CERS3: variants seen among roughly 807,000 people sequenced by gnomAD.
CERS3 encodes LAG1 homolog, ceramide synthase 3.
Under a neutral mutation model 50.3 loss-of-function variants are expected in CERS3, and 33 were observed. The observed-to-expected ratio is 0.66, with a 90% CI of 0.50 to 0.88. The LOEUF is 0.88. Ranked by LOEUF, CERS3 falls within the 40% of genes least tolerant of loss-of-function variation. The probability of loss-of-function intolerance (pLI) is 0.00; values close to 1 mark genes in which losing one functional copy is unlikely to be tolerated. For missense variants in CERS3, 470 were observed against 460.3 expected, an observed-to-expected ratio of 1.02 and a Z score of -0.19; for synonymous variants, 176 against 155.2, an observed-to-expected ratio of 1.13 and a Z score of -0.99.
chr15:100,413,861 A>T (rs955869979), intron 11 of CERS3, among the ~76,000 whole-genome samples: 2 of 112,232 alleles, frequency 1.8e-5, no homozygotes, highest in African/African-American at 6.3e-5. Flanking sequence ...ATTCCTGGAA[A>T]CATATAACCT....
intron 11 of CERS3, among the ~76,000 whole-genome samples, chr15:100,441,269 A>T (rs752590219): frequency 6.6e-5 from 10 of 150,826 alleles, no homozygotes; most frequent in Non-Finnish European, 1.3e-4. Flanking sequence ...CCATGCCCCA[A>T]CCCCTTATCT....
At chr15:100,457,115 C>T (rs1266454180) in intron 10 of CERS3, among the ~76,000 whole-genome samples, 1 of 152,068 alleles carries the variant, frequency 6.6e-6, no homozygotes, top group Non-Finnish European at 1.5e-5. Context: ...TTGTCCATAA[C>T]ACCATCACCT....
At chr15:100,514,372 G>A (rs974017164) in intron 2 of CERS3, among the ~76,000 whole-genome samples, 5 of 152,096 alleles carry the variant, frequency 3.3e-5, no homozygotes, top group Non-Finnish European at 7.4e-5. Context: ...TGCTAACTAC[G>A]ATATAGTAAA....
intron 5 of CERS3, among the ~76,000 whole-genome samples, chr15:100,483,074 G>T (rs1033890067): frequency 7.9e-5 from 12 of 152,134 alleles, no homozygotes; most frequent in Non-Finnish European, 1.5e-4. Flanking sequence ...TGCTTTACTT[G>T]AAAATACTGC....
chr15:100,528,242 C>T (rs1567685526), intron 1 of CERS3, among the ~76,000 whole-genome samples: 1 of 152,358 alleles, frequency 6.6e-6, no homozygotes, highest in South Asian at 2.1e-4. Context: ...CCTGGCATGA[C>T]ATTGAGCACT....
chr15:100,456,226 CA>C (rs1199692485), intron 10 of CERS3, among the ~76,000 whole-genome samples, 180 bp from the exon 11 acceptor site: 3 of 151,946 alleles, frequency 2.0e-5, no homozygotes, highest in Non-Finnish European at 2.9e-5. Context: ...TGGCAAGCAA[CA>C]AAAAAAGTAC....
chr15:100,472,318 G>T (rs983069696), intron 9 of CERS3, among the ~76,000 whole-genome samples: 1 of 152,120 alleles, frequency 6.6e-6, no homozygotes, highest in Non-Finnish European at 1.5e-5. Flanking sequence ...ACAGAAACAG[G>T]TCCGGAAAAC....
chr15:100,484,705 AACAGAGTCAG>A (rs773619422), intron 4 of CERS3, 37 bp from the exon 5 acceptor site: 12 of 1,441,692 alleles, frequency 8.3e-6, no homozygotes, highest in Non-Finnish European at 1.1e-5. Context: ...AGTGATAAAG[AACAGAGTCAG>A]ACTGGCAGGC....
rs2032374266 is a variant in CERS3 at position 100,420,892 on chromosome 15, C to T, written c.1000-18027G>A. 2.7e-5 allele frequency among the ~76,000 whole-genome samples: 4 copies of T among 150,856 alleles called. No individual in the cohort carries two copies. The South Asian group carries it at 8.5e-4, about 32-fold the overall frequency. ...TGACAAAATTCAACAACCCTTCATG[C>T]TAAAAACTCTCAATAAATTAGGTAT... On this transcript the variant is annotated intron_variant, in intron 11 of 11. Coordinates refer to ENST00000679737, the MANE Select transcript of CERS3 (RefSeq NM_001378789.1).
intron 11 of CERS3, among the ~76,000 whole-genome samples, chr15:100,439,738 T>A (rs1414920614): frequency 2.0e-5 from 3 of 152,214 alleles, no homozygotes; most frequent in Non-Finnish European, 2.9e-5. Context: ...TTTGGAGGAA[T>A]AAGCTGATTT....
upstream of CERS3, among the ~76,000 whole-genome samples, chr15:100,531,165 A>G (rs577541361): frequency 1.3e-5 from 2 of 152,372 alleles, no homozygotes; most frequent in African/African-American, 4.8e-5. Flanking sequence ...TACTTCTACA[A>G]TGAAACACAT....
intron 1 of CERS3, among the ~76,000 whole-genome samples, chr15:100,525,288 C>A (rs1259253310): frequency 6.6e-6 from 1 of 152,138 alleles, no homozygotes; most frequent in Non-Finnish European, 1.5e-5. Flanking sequence ...TAATCCACCA[C>A]CAGCACAAAT....
intron 11 of CERS3, among the ~76,000 whole-genome samples, chr15:100,416,748 T>C (rs1365559834): frequency 2.6e-5 from 4 of 152,164 alleles, no homozygotes; most frequent in South Asian, 2.1e-4. Flanking sequence ...TCCCAACTGG[T>C]CCCTCCCTCA....
intron 11 of CERS3, among the ~76,000 whole-genome samples, chr15:100,440,303 T>C (rs759928005): frequency 6.6e-6 from 1 of 152,216 alleles, no homozygotes; most frequent in African/African-American, 2.4e-5. Flanking sequence ...CCCTGTGACC[T>C]GCACATACAC....
intron 2 of CERS3, among the ~76,000 whole-genome samples, chr15:100,511,268 G>A (rs968206625): frequency 6.6e-6 from 1 of 152,072 alleles, no homozygotes; most frequent in Admixed American, 6.6e-5. Flanking sequence ...CAGGCTGCGT[G>A]ACAGAGCAAG....
chr15:100,430,026 A>G (rs1415640205), intron 11 of CERS3, among the ~76,000 whole-genome samples: 4 of 151,964 alleles, frequency 2.6e-5, no homozygotes, highest in Non-Finnish European at 4.4e-5. Context: ...AAGAATGACC[A>G]AAAAAGCCGG....
At chr15:100,533,705 G>A (rs1328764136), upstream of CERS3, among the ~76,000 whole-genome samples, 8 of 151,792 alleles carry the variant, frequency 5.3e-5, no homozygotes, top group African/African-American at 1.7e-4. Flanking sequence ...TTACAGGCAC[G>A]TGTTACCACC....
chr15:100,437,499 C>A (rs1380533565), intron 11 of CERS3, among the ~76,000 whole-genome samples: 1 of 152,186 alleles, frequency 6.6e-6, no homozygotes, highest in African/African-American at 2.4e-5. Flanking sequence ...AAAACTGTCA[C>A]TGGAGCCTTG....
intron 4 of CERS3, among the ~76,000 whole-genome samples, chr15:100,490,325 G>A (rs1003986199): frequency 2.0e-5 from 3 of 152,032 alleles, no homozygotes; most frequent in Admixed American, 2.0e-4. Context: ...GAATAGTCGG[G>A]GCACAGCATA....
Sources: allele counts gnomAD v4.1 joint callset (sites outside exome capture counted in the v4.1 genomes callset), GRCh38; gene constraint gnomAD v4.1.1; transcripts MANE v1.5; gene names NCBI Gene and HGNC (gene_info 2026-07-23, HGNC 2026-07-21).